The following PTPRB variants were observed in gnomAD, a reference collection of about 807,000 sequenced individuals.
PTPRB encodes the protein receptor-type tyrosine-protein phosphatase beta.
Under a neutral mutation model 238.1 loss-of-function variants are expected in PTPRB, and 97 were observed. The observed-to-expected ratio is 0.41, with a 90% CI of 0.35 to 0.48. PTPRB has a LOEUF of 0.48. Among genes scored for constraint, PTPRB ranks in the 20% least tolerant of loss-of-function variants. The pLI is 0.30. For synonymous variants in PTPRB, 970 were observed against 995.4 expected, an observed-to-expected ratio of 0.97 and a Z score of 0.48; for missense variants, 2,292 against 2,681.9, an observed-to-expected ratio of 0.85 and a Z score of 3.21.
intron 2 of PTPRB, among the ~76,000 whole-genome samples, chr12:70,623,311 T>G (rs1199402592): frequency 1.3e-5 from 2 of 152,172 alleles, no homozygotes; most frequent in African/African-American, 4.8e-5. Flanking sequence ...GGGATTAACT[T>G]ATAGCTTTGT....
In PTPRB at chr12:70,599,961, A is replaced by C. The variant is rs192945116; in HGVS notation, c.980-3634T>G. The stretch of plus-strand genomic sequence containing the variant: ...TAGCTACTGCACTTCAGCCTGGGCA[A>C]CATAGAAAGACCCTGTTTTTTTTTT... On this transcript the variant is annotated intron_variant, in intron 4 of 33. Transcript: ENST00000334414. Among the ~76,000 whole-genome samples, 770 of 146,222 alleles carry C rather than the reference A, an allele frequency of 5.3e-3. 10 individuals carry two copies. Among genetic ancestry groups the C allele is most frequent in the African/African-American group, 0.019 (734 of 38,822 alleles).
intron 14 of PTPRB, among the ~76,000 whole-genome samples, chr12:70,568,127 T>A (rs1183297543): frequency 6.6e-6 from 1 of 152,218 alleles, no homozygotes; most frequent in Non-Finnish European, 1.5e-5. Flanking sequence ...TCTTTAAATA[T>A]TACTTCCTCC....
rs544236063 is a variant in PTPRB at position 70,521,070 on chromosome 12, C to G, written c.*419G>C. 3 of 156,984 alleles carry G rather than the reference C, an allele frequency of 1.9e-5. No homozygotes were observed. The highest frequency in any genetic ancestry group is 6.5e-5 in the Admixed American group (1 of 15,424). The allele number at this position is 156,984 out of a possible 1,614,324, so 9.7% of individuals were successfully genotyped here. On this transcript the variant is annotated 3_prime_UTR_variant, in exon 34 of 34. Coordinates refer to ENST00000334414, the MANE Select transcript of PTPRB (RefSeq NM_001109754.4). Reference sequence around the variant, plus strand: ...AGCAAATCTAGCCATAGTATTTGCTCTCTCTAGCCCTGCCCTTTTTCCTGT... The same window carrying G: ...AGCAAATCTAGCCATAGTATTTGCTGTCTCTAGCCCTGCCCTTTTTCCTGT...
At position 70,581,047 on chromosome 12, in the gene PTPRB, T is replaced by A. The variant is rs1339338940; in HGVS notation, c.2567A>T (p.Glu856Val). The A allele has an allele frequency of 6.2e-7, 1 of 1,613,758 alleles. No individual in the cohort carries two copies. Among genetic ancestry groups the A allele is most frequent in the South Asian group, 1.1e-5 (1 of 91,070 alleles). Residue 856 changes from glutamate (E) to valine (V), a missense_variant, in exon 10 of 34, where the codon GAG becomes GTG. This residue lies in a region of PTPRB where 1,205 missense variants were observed against 1,287.8 expected (regional missense o/e 0.94). Coordinates refer to ENST00000334414, the MANE Select transcript of PTPRB (RefSeq NM_001109754.4). ...GGISSRQVVV[E>V]GRTVPSSVSG... ...TCTCTACTTCTTACCTGTTCTTCCC[T>A]CCACAACCACTTGTCGGGAAGAGAT...
At chr12:70,613,693 G>A (rs1316566418) in intron 3 of PTPRB, among the ~76,000 whole-genome samples, 1 of 152,140 alleles carries the variant, frequency 6.6e-6, no homozygotes, top group Non-Finnish European at 1.5e-5. Flanking sequence ...CCGGTCATAT[G>A]GAGGATTCTG....
chr12:70,592,044 T>A, intron 7 of PTPRB: 1 of 572,838 alleles, frequency 1.7e-6, no homozygotes. Context: ...TTATGCTACT[T>A]AAGTGACGTG....
At chr12:70,521,624 A>C in intron 33 of PTPRB, 113 bp from the exon 34 acceptor site, 1 of 879,554 alleles carries the variant, frequency 1.1e-6, no homozygotes, top group East Asian at 3.0e-5. Context: ...AGCTCAACCT[A>C]GTTTAAGATG....
chr12:70,564,882 TAATAATA>T (rs1296032985), intron 15 of PTPRB, among the ~76,000 whole-genome samples: 6 of 32,556 alleles, frequency 1.8e-4, no homozygotes, highest in African/African-American at 5.7e-4. Flanking sequence ...ATAATAATAA[TAATAATA>T]AATAGATAGA....
chr12:70,535,235 T>G (rs1234992879), intron 29 of PTPRB, among the ~76,000 whole-genome samples: 3 of 147,886 alleles, frequency 2.0e-5, no homozygotes, highest in African/African-American at 5.1e-5. Flanking sequence ...TTTTTTTTTT[T>G]TTTTTTTTTT....
rs191519480 is a variant in PTPRB at position 70,581,068 on chromosome 12, G to C, written c.2546C>G (p.Ser849Cys). ...TCCCTCCACAACCACTTGTCGGGAA[G>C]AGATCCCTCCACTCACTGTTGTTAC... ...VVVTTVSGGISSRQVVVEGRT... is the reference protein window; with the variant it reads ...VVVTTVSGGICSRQVVVEGRT... Residue 849 changes from serine (S) to cysteine (C), a missense_variant, in exon 10 of 34, where the codon TCT becomes TGT. Ser to Cys is a moderately radical substitution (Grantham distance 112). Around this residue, in one of 4 missense-constraint regions of PTPRB, gnomAD observed 1,205 missense variants for 1,287.8 expected, o/e 0.94. Coordinates refer to ENST00000334414, the MANE Select transcript of PTPRB (RefSeq NM_001109754.4). 3.3e-5 allele frequency: 54 copies of C among 1,613,988 alleles called. No homozygotes were observed. In the African/African-American group the frequency reaches 5.7e-4, roughly 17 times the overall value.
At chr12:70,543,667 A>C (rs1875518974) in intron 22 of PTPRB, among the ~76,000 whole-genome samples, 1 of 152,194 alleles carries the variant, frequency 6.6e-6, no homozygotes, top group African/African-American at 2.4e-5. Context: ...CAAGCATTGC[A>C]GAACACGGAT....
In PTPRB at chr12:70,594,477, T is replaced by C. The variant is rs756374232; in HGVS notation, c.1506A>G (p.Leu502=). ...AAGLQNYRWK[L]VRTAPMEVSN... ...CTAGGGGGAACTTACCTGTCCTGAC[T>C]AGTTTCCACCTGTAGTTTTGCAGCC... The change falls in exon 6 of 34, where the codon CTA becomes CTG. Residue 502 remains leucine (L), a synonymous_variant. Coordinates refer to ENST00000334414, the MANE Select transcript of PTPRB (RefSeq NM_001109754.4). The C allele has an allele frequency of 1.2e-6, 2 of 1,613,908 alleles. No homozygotes were observed. Among genetic ancestry groups the C allele is most frequent in the Admixed American group, 1.7e-5 (1 of 60,004 alleles).
intron 21 of PTPRB, among the ~76,000 whole-genome samples, chr12:70,550,757 C>A (rs1876753358): frequency 2.0e-5 from 3 of 152,100 alleles, no homozygotes; most frequent in Admixed American, 2.0e-4. Flanking sequence ...TATCTTCACC[C>A]CTCCCCTTTC....
At position 70,587,035 on chromosome 12, in the gene PTPRB, T is replaced by C; in HGVS notation, c.2283A>G (p.Lys761=). 1 of 1,613,776 alleles carries C rather than the reference T, an allele frequency of 6.2e-7. No individual in the cohort carries two copies. Among genetic ancestry groups the C allele is most frequent in the East Asian group, 2.2e-5 (1 of 44,880 alleles). ...TTCTTCCTTTTACTGAAGAGGAATT[T>C]TTTAAGTCTCCACTAATACTGGTGA... ...ATVTSISGDL[K]NSSSVKGRTV... The change falls in exon 9 of 34, where the codon AAA becomes AAG. Residue 761 remains lysine, a synonymous_variant. Coordinates refer to ENST00000334414, the MANE Select transcript of PTPRB (RefSeq NM_001109754.4).
intron 1 of PTPRB, among the ~76,000 whole-genome samples, chr12:70,636,847 C>G (rs74101514): frequency 0.023 from 3,571 of 152,216 alleles, 149 homozygotes; most frequent in African/African-American, 0.081. Context: ...GGCTCAGAAA[C>G]CATTTTCAAT....
intron 9 of PTPRB, among the ~76,000 whole-genome samples, chr12:70,585,634 T>A (rs1462386932): frequency 1.3e-5 from 2 of 151,898 alleles, no homozygotes; most frequent in African/African-American, 4.8e-5. Flanking sequence ...CCATGATTTT[T>A]AAAAATTAAT....
intron 28 of PTPRB, among the ~76,000 whole-genome samples, chr12:70,537,228 A>C (rs1169839368): frequency 7.1e-6 from 1 of 141,764 alleles, no homozygotes; most frequent in East Asian, 2.1e-4. Context: ...CGGAGCTTGC[A>C]GTGAGCAGAG....
rs113403854 is a variant in PTPRB at position 70,555,328 on chromosome 12, A to T, written c.4994-19T>A. ...GGGGGGCCTGGAAAAAGAGGTGGGG[A>T]AGGAACCAAGAGGGGTCACAACTCT... On this transcript the variant is annotated intron_variant, in intron 19 of 33. Transcript: ENST00000334414. 61 of 1,602,700 alleles carry T rather than the reference A, an allele frequency of 3.8e-5. No homozygotes were observed. Among genetic ancestry groups the T allele is most frequent in the Non-Finnish European group, 4.8e-5 (56 of 1,174,492 alleles).
intron 5 of PTPRB, 137 bp from the exon 6 acceptor site, chr12:70,594,861 G>C (rs924076225): frequency 1.5e-5 from 17 of 1,157,746 alleles, no homozygotes; most frequent in Non-Finnish European, 2.0e-5. Flanking sequence ...GTAAATAACA[G>C]GATTCTGGAA....
Sources: gnomAD v4.1 joint callset for allele counts (sites outside exome capture counted in the v4.1 genomes callset) on GRCh38, gnomAD v4.1.1 for gene constraint, gnomAD v4.1.1 regional missense constraint, MANE v1.5 for transcripts, NCBI Gene and HGNC (gene_info 2026-07-23, HGNC 2026-07-21) for gene names.